The following DLC1 variants were observed in gnomAD, a reference collection of about 807,000 sequenced individuals.
DLC1 encodes rho GTPase-activating protein 7.
DLC1 carries 54 observed loss-of-function variants against 140.3 expected under a neutral mutation model. The ratio of observed to expected loss-of-function variants is 0.38; its 90% CI spans 0.31 to 0.48. DLC1 has a LOEUF of 0.48. DLC1 is among the 20% of genes least tolerant of loss of function. The pLI is 0.96. For missense variants in DLC1, 2,536 were observed against 1,907.0 expected (o/e 1.33, Z -6.14); for synonymous variants, 986 against 728.1 (o/e 1.35, Z -5.70).
intron 5 of DLC1, among the ~76,000 whole-genome samples, chr8:13,216,015 A>G (rs1828185432): frequency 1.3e-5 from 2 of 152,088 alleles, no homozygotes; most frequent in Non-Finnish European, 2.9e-5. Context: ...TTCTAACTCC[A>G]TTCTCTCGCA....
At chr8:13,510,590 T>C (rs1036481991) in intron 1 of DLC1, among the ~76,000 whole-genome samples, 3 of 152,200 alleles carry the variant, frequency 2.0e-5, no homozygotes, top group African/African-American at 4.8e-5. Context: ...AAACTCAAAG[T>C]AGTTACGGGG....
intron 2 of DLC1, among the ~76,000 whole-genome samples, chr8:13,490,930 G>A (rs1801204866): frequency 1.3e-5 from 2 of 149,176 alleles, no homozygotes; most frequent in Admixed American, 1.3e-4. Flanking sequence ...AATAATATCT[G>A]GAACAAGGAA....
upstream of DLC1, among the ~76,000 whole-genome samples, chr8:13,515,227 G>A (rs902648116): frequency 6.6e-6 from 1 of 152,152 alleles, no homozygotes; most frequent in African/African-American, 2.4e-5. Flanking sequence ...TCTTTTAAGA[G>A]AGCAAGATGA....
chr8:13,423,753 T>C (rs1838426294), intron 2 of DLC1, among the ~76,000 whole-genome samples: 1 of 152,142 alleles, frequency 6.6e-6, no homozygotes, highest in Admixed American at 6.6e-5. Context: ...CATGAGAAAG[T>C]ATAGATCTTT....
chr8:13,103,332 AAATAAAT>A lies in DLC1; in HGVS notation c.1503-486_1503-480del, dbSNP rs1819265933. 4.0e-5 allele frequency among the ~76,000 whole-genome samples: 6 copies of A among 151,064 alleles called. 1 individual carries two copies. Among genetic ancestry groups the A allele is most frequent in the African/African-American group, 1.2e-4 (5 of 41,288 alleles). On this transcript the variant is annotated intron_variant, in intron 7 of 17. Transcript: ENST00000276297. ...TCTCAAAATAAATAAATAAATAAAT[AAATAAAT>A]AAATAAATAAATAAATAAATACCTT...
At chr8:13,250,457 G>C (rs1242014842) in intron 5 of DLC1, among the ~76,000 whole-genome samples, 1 of 152,082 alleles carries the variant, frequency 6.6e-6, no homozygotes, top group Non-Finnish European at 1.5e-5. Flanking sequence ...ACCCTTAAAG[G>C]CATAGGATTA....
intron 2 of DLC1, among the ~76,000 whole-genome samples, chr8:13,484,532 T>C (rs918479956): frequency 6.6e-6 from 1 of 152,134 alleles, no homozygotes; most frequent in African/African-American, 2.4e-5. Flanking sequence ...TGCTTCAAAG[T>C]AAATTGGCTT....
intron 4 of DLC1, among the ~76,000 whole-genome samples, chr8:13,392,528 G>T (rs1051823429): frequency 1.9e-4 from 29 of 152,004 alleles, no homozygotes; most frequent in African/African-American, 7.0e-4. Context: ...TTTTAGACTT[G>T]ACTTTTATTT....
intron 4 of DLC1, among the ~76,000 whole-genome samples, chr8:13,373,773 G>A (rs141490859): frequency 3.6e-4 from 55 of 152,138 alleles, no homozygotes; most frequent in Non-Finnish European, 6.8e-4. Flanking sequence ...CTTCATGAAC[G>A]TCTTTAAAAG....
At chr8:13,174,705 T>C (rs187329221) in intron 5 of DLC1, among the ~76,000 whole-genome samples, 1 of 152,334 alleles carries the variant, frequency 6.6e-6, no homozygotes, top group Non-Finnish European at 1.5e-5. Context: ...CACTTTTTAC[T>C]GGGGTTGTAT....
chr8:13,109,036 G>A (rs1407554600), intron 7 of DLC1, among the ~76,000 whole-genome samples: 2 of 152,196 alleles, frequency 1.3e-5, no homozygotes, highest in Non-Finnish European at 2.9e-5. Context: ...CTGTGGTTAA[G>A]AGGACTGTTT....
rs879391020 is a variant in DLC1, at chr8:13,514,771, C to T, written c.-295G>A. On this transcript the variant is annotated 5_prime_UTR_variant, in exon 1 of 18. Transcript: ENST00000276297. Reference sequence around the variant, plus strand: ...AGTGTGTGAGTCTAACAAAAACACCCTCTGCAGCTGGAGGGAGCCTTAGCT... The same window carrying T: ...AGTGTGTGAGTCTAACAAAAACACCTTCTGCAGCTGGAGGGAGCCTTAGCT... The T allele has an allele frequency of 1.0e-5, 4 of 397,052 alleles. No homozygotes were observed. Among genetic ancestry groups the T allele is most frequent in the Non-Finnish European group, 1.8e-5 (4 of 225,334 alleles). The allele number at this position is 397,052 out of a possible 1,614,324, so 24.6% of individuals were successfully genotyped here. A position where few individuals can be genotyped will look rare whatever the true frequency, so the allele number is the denominator to read the frequency against.
At chr8:13,393,426 A>C (rs1189131261) in intron 4 of DLC1, 127 bp downstream of exon 4, 2 of 1,082,686 alleles carry the variant, frequency 1.8e-6, no homozygotes, top group East Asian at 5.2e-5. Flanking sequence ...TAAATAAATT[A>C]AATATCATTA....
At chr8:13,541,528 A>G (rs983807253) in intron 1 of DLC1, among the ~76,000 whole-genome samples, 1 of 152,048 alleles carries the variant, frequency 6.6e-6, no homozygotes, top group Non-Finnish European at 1.5e-5. Flanking sequence ...TCATTTTTCT[A>G]ATGATTTTGG....
At chr8:13,145,370 G>A (rs1448118970) in intron 5 of DLC1, among the ~76,000 whole-genome samples, 2 of 152,086 alleles carry the variant, frequency 1.3e-5, no homozygotes, top group East Asian at 3.8e-4. Flanking sequence ...GTGAATAAAC[G>A]TATACTAAGT....
intron 5 of DLC1, among the ~76,000 whole-genome samples, chr8:13,186,286 A>T (rs1370284721): frequency 6.6e-6 from 1 of 152,202 alleles, no homozygotes. Flanking sequence ...CGGGTACACC[A>T]ATCAAACGCA....
chr8:13,121,195 C>T lies in DLC1; in HGVS notation c.1349-5538G>A, dbSNP rs144090524. ...TTTGATAGACATATGGGCAAAGATT[C>T]ATGGAAAAGTTGATGCTTTTATTGC... On this transcript the variant is annotated intron_variant, in intron 5 of 17. Transcript: ENST00000276297. Among the ~76,000 whole-genome samples the T allele has an allele frequency of 5.5e-4, 83 of 152,252 alleles. No individual in the cohort carries two copies. The East Asian group carries it at 0.015, about 28-fold the overall frequency.
chr8:13,407,652 C>T (rs1029532229), intron 2 of DLC1, among the ~76,000 whole-genome samples: 6 of 152,112 alleles, frequency 3.9e-5, no homozygotes, highest in African/African-American at 1.2e-4. Flanking sequence ...TGTCAATGAA[C>T]GGTGGCATCA....
chr8:13,583,709 G>A (rs1170001253), intron 1 of DLC1, among the ~76,000 whole-genome samples: 1 of 152,200 alleles, frequency 6.6e-6, no homozygotes, highest in Admixed American at 6.5e-5. Context: ...GATTAAAAAA[G>A]AAGCAACACT....
Sources: gnomAD v4.1 joint callset for allele counts (sites outside exome capture counted in the v4.1 genomes callset) on GRCh38, gnomAD v4.1.1 for gene constraint, MANE v1.5 for transcripts, NCBI Gene and HGNC (gene_info 2026-07-23, HGNC 2026-07-21) for gene names.